DOK6: variants seen among roughly 807,000 people sequenced by gnomAD.
The protein encoded by DOK6 is downstream of tyrosine kinase 6.
In DOK6, 22 loss-of-function variants were observed where a neutral mutation model predicts 44.0. That is an observed-to-expected ratio of 0.50 (90% CI 0.36 to 0.71). DOK6 has a LOEUF of 0.71. DOK6 is among the 30% of genes least tolerant of loss of function. The pLI is 0.00. For synonymous variants in DOK6, 166 were observed against 145.5 expected, an observed-to-expected ratio of 1.14 and a Z score of -1.01; for missense variants, 340 against 416.4, an observed-to-expected ratio of 0.82 and a Z score of 1.60.
chr18:69,803,291 C>T (rs1479319888), intron 7 of DOK6, among the ~76,000 whole-genome samples: 1 of 151,938 alleles, frequency 6.6e-6, no homozygotes, highest in Admixed American at 6.6e-5. Context: ...ATATTAATTC[C>T]TAGCAATATC....
Position 69,819,852 on chromosome 18 carries a change from G to A in DOK6, c.857-21392G>A, listed in dbSNP as rs562426369. 1.2e-4 allele frequency among the ~76,000 whole-genome samples: 18 copies of A among 152,144 alleles called. 1 individual carries two copies. The South Asian group carries it at 2.1e-3, about 18-fold the overall frequency. ...GTAGCACAGGGGTGTCCAATGTTTTGGCTTCCCTAGGCCACATTGGAAGAA... is the reference window on the plus strand; with the variant it reads ...GTAGCACAGGGGTGTCCAATGTTTTAGCTTCCCTAGGCCACATTGGAAGAA... On this transcript the variant is annotated intron_variant, in intron 7 of 7. Transcript: ENST00000382713.
chr18:69,828,875 C>A (rs374392925), intron 7 of DOK6, among the ~76,000 whole-genome samples: 9 of 24,910 alleles, frequency 3.6e-4, no homozygotes, highest in African/African-American at 5.5e-4. Flanking sequence ...AATAGCAATA[C>A]ATTTATGTGT....
chr18:69,628,384 G>C (rs1984609425), intron 3 of DOK6, among the ~76,000 whole-genome samples: 1 of 152,120 alleles, frequency 6.6e-6, no homozygotes, highest in South Asian at 2.1e-4. Flanking sequence ...CAGCTACTTG[G>C]GGGGCTGAAG....
intron 7 of DOK6, among the ~76,000 whole-genome samples, chr18:69,764,712 A>G (rs548701366): frequency 4.2e-4 from 64 of 152,356 alleles, no homozygotes; most frequent in African/African-American, 1.5e-3. Flanking sequence ...AGACTAATAC[A>G]TATGATAATC....
At chr18:69,789,500 A>C (rs1164150026) in intron 7 of DOK6, among the ~76,000 whole-genome samples, 1 of 151,998 alleles carries the variant, frequency 6.6e-6, no homozygotes, top group East Asian at 1.9e-4. Flanking sequence ...ATAAAAAAGA[A>C]ATTCAACAAA....
chr18:69,738,825 G>T (rs1228518260), intron 5 of DOK6, 140 bp from the exon 6 acceptor site: 9 of 1,025,934 alleles, frequency 8.8e-6, no homozygotes, highest in Middle Eastern at 2.1e-4. Flanking sequence ...GGTTGGTTTG[G>T]TTACGGCTGA....
intron 3 of DOK6, among the ~76,000 whole-genome samples, chr18:69,633,588 A>G (rs550108601): frequency 6.6e-6 from 1 of 152,284 alleles, no homozygotes; most frequent in South Asian, 2.1e-4. Context: ...AATTTAGTAA[A>G]ACTAATCAAA....
intron 3 of DOK6, among the ~76,000 whole-genome samples, chr18:69,605,801 A>C (rs983871335): frequency 1.3e-5 from 2 of 152,180 alleles, no homozygotes; most frequent in Non-Finnish European, 2.9e-5. Context: ...ATAAAAACTG[A>C]TGCTTTCTCC....
At chr18:69,519,521 T>C (rs557891589) in intron 1 of DOK6, among the ~76,000 whole-genome samples, 30 of 152,038 alleles carry the variant, frequency 2.0e-4, no homozygotes, top group Admixed American at 3.9e-4. Context: ...ACATTGAACA[T>C]GAAGACAAGA....
At chr18:69,805,340 G>T (rs1234447938) in intron 7 of DOK6, among the ~76,000 whole-genome samples, 1 of 152,104 alleles carries the variant, frequency 6.6e-6, no homozygotes, top group Middle Eastern at 3.2e-3. Flanking sequence ...TGGAGATGGG[G>T]GACAGGGTGT....
chr18:69,494,412 G>T (rs1169180345), intron 1 of DOK6, among the ~76,000 whole-genome samples: 1 of 152,074 alleles, frequency 6.6e-6, no homozygotes, highest in Admixed American at 6.5e-5. Context: ...GGAGACAGAG[G>T]TTGCAGTGAG....
intron 1 of DOK6, among the ~76,000 whole-genome samples, chr18:69,442,519 TG>T (rs1249268744): frequency 6.6e-6 from 1 of 152,110 alleles, no homozygotes; most frequent in East Asian, 1.9e-4. Flanking sequence ...GAGAACAGCA[TG>T]GGGGAACTGC....
intron 1 of DOK6, among the ~76,000 whole-genome samples, chr18:69,461,103 ATAG>A (rs1979775171): frequency 6.6e-6 from 1 of 152,202 alleles, no homozygotes; most frequent in African/African-American, 2.4e-5. Flanking sequence ...ATTATTTTTA[ATAG>A]TAGTAGTGGT....
chr18:69,413,756 GA>G (rs1157515001), intron 1 of DOK6, among the ~76,000 whole-genome samples: 2 of 151,850 alleles, frequency 1.3e-5, no homozygotes, highest in Non-Finnish European at 2.9e-5. Flanking sequence ...TCATCTTATT[GA>G]AATTAAAAAC....
At chr18:69,415,913 T>G (rs1026175329) in intron 1 of DOK6, among the ~76,000 whole-genome samples, 4 of 152,118 alleles carry the variant, frequency 2.6e-5, no homozygotes, top group Non-Finnish European at 5.9e-5. Flanking sequence ...TATATTCATA[T>G]AAACATTTCC....
chr18:69,811,453 T>C (rs1281409560), intron 7 of DOK6, among the ~76,000 whole-genome samples: 1 of 150,304 alleles, frequency 6.7e-6, no homozygotes, highest in African/African-American at 2.5e-5. Flanking sequence ...GATTTTAAGT[T>C]CTGTCTCTAT....
chr18:69,649,299 C>T (rs1985161295), intron 3 of DOK6, among the ~76,000 whole-genome samples: 1 of 152,190 alleles, frequency 6.6e-6, no homozygotes, highest in African/African-American at 2.4e-5. Context: ...ACAATGAAAG[C>T]TTCCTTTCTC....
intron 1 of DOK6, among the ~76,000 whole-genome samples, chr18:69,430,423 T>C (rs1160334064): frequency 6.6e-6 from 1 of 152,182 alleles, no homozygotes; most frequent in Non-Finnish European, 1.5e-5. Flanking sequence ...TATAAAAAAG[T>C]CTTTCATCAT....
chr18:69,790,745 A>G (rs1980570761), intron 7 of DOK6, among the ~76,000 whole-genome samples: 1 of 152,112 alleles, frequency 6.6e-6, no homozygotes. Context: ...TCAGGGGAGT[A>G]TTTATCACCT....
Sources: gnomAD v4.1 joint callset for allele counts (sites outside exome capture counted in the v4.1 genomes callset) on GRCh38, gnomAD v4.1.1 for gene constraint, MANE v1.5 for transcripts, NCBI Gene and HGNC (gene_info 2026-07-23, HGNC 2026-07-21) for gene names.